Variants in POFUT1 observed in about 807,000 individuals in gnomAD.
POFUT1 encodes the protein GDP-fucose protein O-fucosyltransferase 1.
POFUT1 carries 16 observed loss-of-function variants against 42.4 expected under a neutral mutation model. That is an observed-to-expected ratio of 0.38 (90% CI 0.26 to 0.57). The LOEUF is 0.57. POFUT1 is among the 20% of genes least tolerant of loss of function. The pLI, the probability that POFUT1 is intolerant of heterozygous loss-of-function variation, is 0.71. For missense variants in POFUT1, 470 were observed against 504.6 expected (o/e 0.93, Z 0.66); for synonymous variants, 206 against 205.4 (o/e 1.00, Z -0.03).
In POFUT1 at chr20:32,216,999, C is replaced by G. The variant is rs1418634596; in HGVS notation, c.542+278C>G. On this transcript the variant is annotated intron_variant, in intron 4 of 6. Coordinates refer to ENST00000375749, the MANE Select transcript of POFUT1 (RefSeq NM_015352.2). ...CTGCAGTCGCATGAGTCTCAATTTC[C>G]TCCTCTAGGCGTGAGAATCACTCCT... The G allele has an allele frequency of 1.9e-6, 3 of 1,613,000 alleles. No individual in the cohort carries two copies. In the African/African-American group the frequency reaches 4.0e-5, roughly 22 times the overall value.
At position 32,238,002 on chromosome 20, in the gene POFUT1, T is replaced by C. The variant is rs78617932; in HGVS notation, c.*3341T>C. ...AATGTCCTAGTGTTTTACTTAATAG[T>C]GTATCATGTTTTCCCTGTTGGTATG... is the stretch of plus-strand genomic sequence containing the variant. On this transcript the variant is annotated 3_prime_UTR_variant, in exon 7 of 7. Coordinates refer to ENST00000375749, the MANE Select transcript of POFUT1 (RefSeq NM_015352.2). 2.8e-6 allele frequency: 1 copy of C among 353,586 alleles called. No individual in the cohort carries two copies. The highest frequency in any genetic ancestry group is 5.7e-6 in the Non-Finnish European group (1 of 175,180). 21.9% of individuals were successfully genotyped at this position (353,586 alleles called of 1,614,324 possible).
chr20:32,217,282 G>A, intron 4 of POFUT1: 1 of 1,365,980 alleles, frequency 7.3e-7, no homozygotes, highest in Non-Finnish European at 9.4e-7. Flanking sequence ...GACCAGCTCT[G>A]GTTTTCTAGG....
At chr20:32,222,747 A>G (rs1284009971) in intron 4 of POFUT1, 1 of 985,358 alleles carries the variant, frequency 1.0e-6, no homozygotes, top group Non-Finnish European at 1.2e-6. Flanking sequence ...GAGCCTGTGA[A>G]TAGCCTGGCA....
At chr20:32,212,930 G>C (rs541952380) in intron 2 of POFUT1, among the ~76,000 whole-genome samples, 2 of 151,976 alleles carry the variant, frequency 1.3e-5, no homozygotes, top group Admixed American at 6.5e-5. Flanking sequence ...TGTCACCCGG[G>C]CTGGAGTGCA....
chr20:32,211,712 G>T (rs1021516831), intron 2 of POFUT1, among the ~76,000 whole-genome samples: 6 of 152,114 alleles, frequency 3.9e-5, no homozygotes, highest in Non-Finnish European at 8.8e-5. Flanking sequence ...CTCCAACAAG[G>T]CTCTTCTTCG....
intron 4 of POFUT1, among the ~76,000 whole-genome samples, chr20:32,219,483 A>G (rs998530330): frequency 2.0e-5 from 3 of 151,438 alleles, no homozygotes; most frequent in Admixed American, 6.6e-5. Context: ...ATAAATCACT[A>G]CAAAACGTAG....
intron 4 of POFUT1, among the ~76,000 whole-genome samples, chr20:32,221,129 GTTTA>G (rs1434252501): frequency 6.6e-6 from 1 of 152,174 alleles, no homozygotes; most frequent in African/African-American, 2.4e-5. Flanking sequence ...AAACACGCGG[GTTTA>G]TAGGCCCTGT....
chr20:32,223,084 A>T (rs2122585789), intron 4 of POFUT1: 1 of 985,430 alleles, frequency 1.0e-6, no homozygotes, highest in South Asian at 4.7e-5. Context: ...ACATAAATGG[A>T]TGCTGTATAC....
intron 6 of POFUT1, among the ~76,000 whole-genome samples, chr20:32,232,891 C>T (rs1023452385): frequency 2.6e-5 from 4 of 152,182 alleles, no homozygotes; most frequent in African/African-American, 9.6e-5. Flanking sequence ...CTTCCTCCTC[C>T]ATTAAGCTGG....
At chr20:32,221,599 A>G (rs994563799) in intron 4 of POFUT1, among the ~76,000 whole-genome samples, 2 of 151,918 alleles carry the variant, frequency 1.3e-5, no homozygotes, top group Non-Finnish European at 1.5e-5. Flanking sequence ...CTGTAGTTCC[A>G]GTTACTTGGG....
At chr20:32,217,008 G>C in intron 4 of POFUT1, 1 of 1,613,846 alleles carries the variant, frequency 6.2e-7, no homozygotes, top group Non-Finnish European at 8.5e-7. Flanking sequence ...CCTCCTCTAG[G>C]CGTGAGAATC....
intron 4 of POFUT1, chr20:32,223,276 G>C: frequency 3.0e-6 from 3 of 985,444 alleles, no homozygotes; most frequent in Non-Finnish European, 3.6e-6. Context: ...TTTCTTTCCA[G>C]CCAAGATCCC....
Position 32,216,725 on chromosome 20 carries a change from C to A in POFUT1, c.542+4C>A, listed in dbSNP as rs771606906. 3 of 1,590,464 alleles carry A rather than the reference C, an allele frequency of 1.9e-6. No homozygotes were observed. In the South Asian group the frequency reaches 3.3e-5, roughly 18 times the overall value. ...ACAGAGAACAATGGAGCCAGAGGTA[C>A]TTGGAGGGGGTAGCGTTTCTGGGTT... On this transcript the variant is annotated splice_donor_region_variant and intron_variant, in intron 4 of 6. Transcript: ENST00000375749.
chr20:32,219,080 G>A (rs2047377174), intron 4 of POFUT1, among the ~76,000 whole-genome samples: 1 of 152,188 alleles, frequency 6.6e-6, no homozygotes, highest in African/African-American at 2.4e-5. Context: ...GTCAAGGGCT[G>A]GTTTGGATGC....
rs748328963 is a variant in POFUT1 at position 32,230,867 on chromosome 20, A to G, written c.784A>G (p.Met262Val). The change falls in exon 6 of 7, where the codon ATG becomes GTG. Residue 262 changes from methionine (M) to valine (V), a missense_variant. Transcript: ENST00000375749. The stretch of plus-strand genomic sequence containing the variant: ...GGACGGGACTGCAGGCTCGCACTTC[A>G]TGGCCTCTCCGCAGTGTGTGGGCTA... ...LKDGTAGSHFMASPQCVGYSR... is the reference protein window; with the variant it reads ...LKDGTAGSHFVASPQCVGYSR... 6.8e-6 allele frequency: 11 copies of G among 1,614,142 alleles called. No homozygotes were observed. The highest frequency in any genetic ancestry group is 6.7e-5 in the Admixed American group (4 of 60,020).
chr20:32,227,736 A>G (rs2047422008), intron 4 of POFUT1, among the ~76,000 whole-genome samples: 1 of 152,194 alleles, frequency 6.6e-6, no homozygotes, highest in Admixed American at 6.5e-5. Context: ...CGCAGGGACT[A>G]TGCCTGTCTT....
Position 32,211,640 on chromosome 20 carries a change from C to A in POFUT1, c.246+1448C>A, listed in dbSNP as rs73235294. On this transcript the variant is annotated intron_variant, in intron 2 of 6. Transcript: ENST00000375749. ...TGGCTTGCTTGCCTCTGTCTCCTTG[C>A]CTTCTCAGCCAGTTGTCTTTCCAAG... 2.6e-4 allele frequency among the ~76,000 whole-genome samples: 40 copies of A among 152,280 alleles called. No individual in the cohort carries two copies. In the East Asian group the frequency reaches 3.3e-3, roughly 12 times the overall value.
intron 4 of POFUT1, chr20:32,223,536 T>C (rs1341501509): frequency 2.4e-5 from 24 of 982,820 alleles, no homozygotes; most frequent in South Asian, 9.4e-5. Context: ...TTTATCCTGA[T>C]ATTCCAGCCC....
rs761191707 is a variant in POFUT1, at chr20:32,210,073, C to T, written c.127C>T (p.Arg43Cys). ...GYLLYCPCMG[R>C]FGNQADHFLG... Reference sequence around the variant, plus strand: ...CACCCGCAATGTACCATTTCCAGGGCGCTTTGGGAACCAGGCCGATCACTT... The same window carrying T: ...CACCCGCAATGTACCATTTCCAGGGTGCTTTGGGAACCAGGCCGATCACTT... The change falls in exon 2 of 7, where the codon CGC (arginine) becomes TGC (cysteine). Residue 43 changes from arginine to cysteine, a missense_variant and splice_region_variant. Transcript: ENST00000375749. 8.7e-6 allele frequency: 14 copies of T among 1,614,030 alleles called. No individual in the cohort carries two copies. In the East Asian group the frequency reaches 8.9e-5, roughly 10 times the overall value.
Sources: allele counts gnomAD v4.1 joint callset (sites outside exome capture counted in the v4.1 genomes callset), GRCh38; gene constraint gnomAD v4.1.1; transcripts MANE v1.5; gene names NCBI Gene and HGNC (gene_info 2026-07-23, HGNC 2026-07-21).